Variants in KIF19 observed in about 807,000 individuals in gnomAD.
The protein encoded by KIF19 is kinesin-like protein KIF19.
A neutral mutation model predicts 106.6 loss-of-function variants in KIF19; 98 were observed. That is an observed-to-expected ratio of 0.92 (90% CI 0.78 to 1.09). The LOEUF is 1.09. Among genes scored for constraint, KIF19 ranks in the 50% least tolerant of loss-of-function variants. The pLI is 0.00. For missense variants in KIF19, 1,373 were observed against 1,414.3 expected (o/e 0.97, Z 0.47); for synonymous variants, 516 against 584.2 (o/e 0.88, Z 1.68).
Position 74,350,554 on chromosome 17 carries a change from G to A in KIF19, c.1367G>A (p.Arg456Gln), listed in dbSNP as rs777407992. ...RAMEVQIDTS[R>Q]HLLTIAGWKH... The stretch of plus-strand genomic sequence containing the variant: ...ATGGAGGTCCAGATTGACACCTCCC[G>A]ACACCTGCTCACCATCGCCGGGTAA... The change falls in exon 11 of 20, where the codon CGA becomes CAA. Residue 456 changes from arginine to glutamine, a missense_variant. Arg to Gln is a conservative substitution (Grantham distance 43). This residue lies in a region of KIF19 where 1,020 missense variants were observed against 1,008.2 expected (regional missense o/e 1.01). Coordinates refer to ENST00000389916, the MANE Select transcript of KIF19 (RefSeq NM_153209.4). 115 of 1,612,768 alleles carry A rather than the reference G, an allele frequency of 7.1e-5. No homozygotes were observed. Among genetic ancestry groups the A allele is most frequent in the Admixed American group, 1.2e-4 (7 of 59,996 alleles).
intron 1 of KIF19, among the ~76,000 whole-genome samples, chr17:74,326,623 C>G (rs564258526): frequency 1.3e-5 from 2 of 152,280 alleles, no homozygotes; most frequent in South Asian, 4.1e-4. Context: ...ACCCCACCCC[C>G]ACCTTTCCAC....
intron 4 of KIF19, among the ~76,000 whole-genome samples, 153 bp downstream of exon 4, chr17:74,342,870 G>A (rs947787476): frequency 2.0e-5 from 3 of 151,992 alleles, no homozygotes; most frequent in Admixed American, 6.5e-5. Context: ...GCCCCAACCC[G>A]AGCCGGGGCA....
chr17:74,342,985 A>AC, intron 4 of KIF19, 39 bp from the exon 5 acceptor site: 1 of 853,228 alleles, frequency 1.2e-6, no homozygotes, highest in Non-Finnish European at 1.8e-6. Context: ...CCTCCCTCCC[A>AC]GCCCCACCCC....
At chr17:74,327,978 T>C (rs1225642719) in intron 1 of KIF19, among the ~76,000 whole-genome samples, 1 of 152,162 alleles carries the variant, frequency 6.6e-6, no homozygotes, top group East Asian at 1.9e-4. Context: ...TGTAGGAATG[T>C]GGTCACAGGC....
chr17:74,353,161 G>A (rs758764034), intron 15 of KIF19, 35 bp from the exon 16 acceptor site: 1 of 1,526,746 alleles, frequency 6.5e-7, no homozygotes. Flanking sequence ...AGATAGCCTG[G>A]TCTACAGCCA....
intron 2 of KIF19, among the ~76,000 whole-genome samples, chr17:74,337,493 A>G (rs2054251656): frequency 6.6e-6 from 1 of 152,064 alleles, no homozygotes; most frequent in Non-Finnish European, 1.5e-5. Context: ...TCTCACAAGA[A>G]ACCCCAGTGA....
intron 8 of KIF19, among the ~76,000 whole-genome samples, chr17:74,347,245 A>C (rs2054558170): frequency 6.6e-6 from 1 of 152,134 alleles, no homozygotes; most frequent in South Asian, 2.1e-4. Flanking sequence ...CCCCCTTAAA[A>C]AGCAAGGAAA....
chr17:74,339,390 C>T (rs2054296445), intron 2 of KIF19, among the ~76,000 whole-genome samples: 1 of 151,892 alleles, frequency 6.6e-6, no homozygotes, highest in South Asian at 2.1e-4. Flanking sequence ...TGCTCAGTCA[C>T]AATGATCCAT....
At chr17:74,337,193 G>A (rs559579509) in intron 2 of KIF19, among the ~76,000 whole-genome samples, 1 of 152,280 alleles carries the variant, frequency 6.6e-6, no homozygotes, top group African/African-American at 2.4e-5. Context: ...CACCATGCCT[G>A]GCACAATCAC....
intron 2 of KIF19, 65 bp from the exon 3 acceptor site, chr17:74,341,811 G>C: frequency 2.8e-6 from 3 of 1,062,550 alleles, no homozygotes; most frequent in Non-Finnish European, 4.4e-6. Context: ...ACCTTCCTGA[G>C]GGTTGACCTC....
chr17:74,350,420 C>T lies in KIF19; in HGVS notation c.1233C>T (p.Ser411=), dbSNP rs376983567. Residue 411 remains serine, a synonymous_variant, in exon 11 of 20, where the codon AGC becomes AGT. Transcript: ENST00000389916. ...CGGCAGCTGAGGTCCAGCTGCACAG[C>T]GGGCAGGGTGAGAAGGCTGGCATGG... is the stretch of plus-strand genomic sequence containing the variant. The part of the protein sequence containing the change: ...RHIQAEVQLH[S]GQGEKAGMGQ... 3.1e-5 allele frequency: 49 copies of T among 1,603,076 alleles called. No homozygotes were observed. The African/African-American group carries it at 5.5e-4, about 18-fold the overall frequency.
At chr17:74,350,626 G>A in intron 11 of KIF19, 51 bp downstream of exon 11, 1 of 1,609,668 alleles carries the variant, frequency 6.2e-7, no homozygotes, top group Non-Finnish European at 8.5e-7. Context: ...GCCTGGGACA[G>A]AGGAGCACGA....
At chr17:74,327,661 C>T (rs549623757) in intron 1 of KIF19, among the ~76,000 whole-genome samples, 64 of 152,276 alleles carry the variant, frequency 4.2e-4, no homozygotes, top group African/African-American at 1.5e-3. Flanking sequence ...TTAGTAGAGA[C>T]GGTGTTTCGC....
Position 74,326,441 on chromosome 17 carries a change from C to G in KIF19, c.39+53C>G. On this transcript the variant is annotated intron_variant, in intron 1 of 19. Transcript: ENST00000389916. The stretch of plus-strand genomic sequence containing the variant: ...ACCCCGCTCCGTGGTCTACTTCAGT[C>G]GGCCTCCAGCGACAGAGTCCTGTCC... The G allele has an allele frequency of 5.1e-6, 8 of 1,561,820 alleles. No homozygotes were observed. The South Asian group carries it at 9.0e-5, about 17-fold the overall frequency.
At chr17:74,338,379 CTG>C (rs1275204608) in intron 2 of KIF19, among the ~76,000 whole-genome samples, 1 of 148,704 alleles carries the variant, frequency 6.7e-6, no homozygotes, top group African/African-American at 2.4e-5. Context: ...AAGAGGCTCA[CTG>C]TGACCACCTA....
intron 10 of KIF19, among the ~76,000 whole-genome samples, chr17:74,349,677 C>CA (rs1355731933): frequency 1.3e-5 from 2 of 152,220 alleles, no homozygotes; most frequent in Non-Finnish European, 2.9e-5. Flanking sequence ...GTCATGCCTG[C>CA]ACCCCCGGAA....
At chr17:74,349,158 C>G in intron 9 of KIF19, 26 bp from the exon 10 acceptor site, 1 of 1,613,332 alleles carries the variant, frequency 6.2e-7, no homozygotes. Context: ...ACTGCATCCC[C>G]TCCGCTCCAT....
At chr17:74,329,879 T>G (rs2054027366) in intron 2 of KIF19, among the ~76,000 whole-genome samples, 1 of 152,198 alleles carries the variant, frequency 6.6e-6, no homozygotes, top group South Asian at 2.1e-4. Context: ...AAGGCACACG[T>G]GAGCACCTGA....
At chr17:74,328,812 A>C in intron 2 of KIF19, 1 of 266,444 alleles carries the variant, frequency 3.8e-6, no homozygotes. Flanking sequence ...CAGAGCACAT[A>C]TATATATGGT....
Sources: gnomAD v4.1 joint callset for allele counts (sites outside exome capture counted in the v4.1 genomes callset) on GRCh38, gnomAD v4.1.1 for gene constraint, gnomAD v4.1.1 regional missense constraint, MANE v1.5 for transcripts, NCBI Gene and HGNC (gene_info 2026-07-23, HGNC 2026-07-21) for gene names.